The following RBFOX2 variants were observed in gnomAD, a reference collection of about 807,000 sequenced individuals.
The protein encoded by RBFOX2 is RNA binding fox-1 homolog 2, also known as RNA binding protein fox-1 homolog 2.
A neutral mutation model predicts 49.1 loss-of-function variants in RBFOX2; 10 were observed. The observed-to-expected ratio is 0.20, with a 90% CI of 0.13 to 0.35. RBFOX2 has a LOEUF of 0.35. Among genes scored for constraint, RBFOX2 ranks in the 10% least tolerant of loss-of-function variants. The pLI, the probability that RBFOX2 is intolerant of heterozygous loss-of-function variation, is 1.00. For synonymous variants in RBFOX2, 183 were observed against 187.4 expected (o/e 0.98, Z 0.19); for missense variants, 323 against 486.9 (o/e 0.66, Z 3.17).
intron 1 of RBFOX2, among the ~76,000 whole-genome samples, chr22:35,850,845 T>C (rs531920490): frequency 6.6e-6 from 1 of 152,336 alleles, no homozygotes; most frequent in African/African-American, 2.4e-5. Context: ...TGAAAATTAA[T>C]GTTTATTAAA....
upstream of RBFOX2, chr22:35,938,939 G>A (rs1490982618): frequency 1.3e-6 from 2 of 1,538,946 alleles, no homozygotes; most frequent in South Asian, 2.2e-5. Flanking sequence ...TGAGATGAAA[G>A]AAAATGTTAG....
intron 1 of RBFOX2, among the ~76,000 whole-genome samples, chr22:35,905,137 C>T (rs1037078065): frequency 1.1e-4 from 17 of 152,052 alleles, no homozygotes; most frequent in Non-Finnish European, 1.8e-4. Flanking sequence ...ATATTTCTGT[C>T]CTGGTTATCT....
rs992879439 is a variant in RBFOX2 at position 35,847,365 on chromosome 22, T to C, written c.-33-37361A>G. 8.5e-5 allele frequency among the ~76,000 whole-genome samples: 13 copies of C among 152,298 alleles called. No homozygotes were observed. In the East Asian group the frequency reaches 2.5e-3, roughly 29 times the overall value. ...ATTCTAGAAATAACTTAATTAAAAATAGATGTAAAACCTTTCATTAAAAGA... is the reference window on the plus strand; with the variant it reads ...ATTCTAGAAATAACTTAATTAAAAACAGATGTAAAACCTTTCATTAAAAGA... On this transcript the variant is annotated intron_variant, in intron 1 of 13. Coordinates refer to the RBFOX2 transcript ENST00000359369.
intron 11 of RBFOX2, among the ~76,000 whole-genome samples, chr22:35,744,528 TAC>T (rs1159665286): frequency 3.9e-5 from 6 of 152,312 alleles, no homozygotes; most frequent in East Asian, 3.9e-4. Flanking sequence ...AGGGAAACAA[TAC>T]ACAGTTGAAA....
At chr22:35,855,627 T>C (rs751573206) in intron 1 of RBFOX2, among the ~76,000 whole-genome samples, 1 of 148,822 alleles carries the variant, frequency 6.7e-6, no homozygotes, top group Non-Finnish European at 1.5e-5. Context: ...CAGGCTGGTC[T>C]TCAACTCCTG....
chr22:35,907,665 T>G (rs1038996271), intron 1 of RBFOX2, among the ~76,000 whole-genome samples: 4 of 152,140 alleles, frequency 2.6e-5, no homozygotes, highest in Non-Finnish European at 4.4e-5. Flanking sequence ...TTTTTTTTTT[T>G]GAAACAGAGT....
chr22:35,932,515 G>T (rs1007620394), intron 1 of RBFOX2, among the ~76,000 whole-genome samples: 1 of 152,152 alleles, frequency 6.6e-6, no homozygotes, highest in Non-Finnish European at 1.5e-5. Flanking sequence ...GGGACATTGT[G>T]TCTTTCAACA....
At chr22:35,990,686 C>G (rs2057939497) in intron 1 of RBFOX2, among the ~76,000 whole-genome samples, 2 of 152,170 alleles carry the variant, frequency 1.3e-5, no homozygotes, top group African/African-American at 4.8e-5. Flanking sequence ...GTCTTCCACA[C>G]AGACACTGGA....
intron 1 of RBFOX2, among the ~76,000 whole-genome samples, chr22:35,824,883 T>C (rs1416018607): frequency 2.0e-5 from 3 of 152,218 alleles, no homozygotes; most frequent in African/African-American, 7.2e-5. Flanking sequence ...TTCATTATTA[T>C]CATTATCAAT....
chr22:35,992,026 G>A (rs1412615581), intron 1 of RBFOX2, among the ~76,000 whole-genome samples: 1 of 152,260 alleles, frequency 6.6e-6, no homozygotes, highest in East Asian at 1.9e-4. Flanking sequence ...TGAAGGAACT[G>A]AGCCTCAGAG....
In RBFOX2 at chr22:35,759,283, A is replaced by C. The variant is rs2146273590; in HGVS notation, c.887+605T>G. On this transcript the variant is annotated intron_variant, in intron 9 of 11. Coordinates refer to ENST00000405409, the Ensembl canonical transcript of RBFOX2. This position sits in a 1 kb window ranked among gnomAD's most constrained non-coding sequence, Gnocchi z 4.6. ...AGTCGCTGTTTTACCATCATTCAGA[A>C]GCCAACTGCAGTTTAATTCTTCCTA... Among the ~76,000 whole-genome samples, 1 of 152,348 alleles carries C rather than the reference A, an allele frequency of 6.6e-6. No individual in the cohort carries two copies. Among genetic ancestry groups the C allele is most frequent in the East Asian group, 1.9e-4 (1 of 5,188 alleles).
chr22:36,028,216 G>A, intron 1 of RBFOX2, 24 bp downstream of exon 1: 1 of 1,476,790 alleles, frequency 6.8e-7, no homozygotes, highest in Non-Finnish European at 8.9e-7. Flanking sequence ...CGCAATAACT[G>A]GGCGCCCCGT....
rs561549037 is a variant in RBFOX2 at position 35,897,524 on chromosome 22, G to A, written c.-34+41323C>T. The A allele has an allele frequency of 4.1e-5, 34 of 824,596 alleles. 1 individual carries two copies. The South Asian group carries it at 4.5e-4, about 11-fold the overall frequency. The allele number at this position is 824,596 out of a possible 1,614,324, so 51.1% of individuals were successfully genotyped here. On this transcript the variant is annotated intron_variant, in intron 1 of 13. Transcript: ENST00000359369. ...ACTGATAGGCAAAAGGTGGCAAGGG[G>A]TACGGGAGGAAGTACCCCTTTGCTG...
In RBFOX2 at chr22:35,784,339, A is replaced by G. The variant is rs546768340; in HGVS notation, c.253-2593T>C. Among the ~76,000 whole-genome samples the G allele has an allele frequency of 8.5e-5, 13 of 152,330 alleles. No individual in the cohort carries two copies. The South Asian group carries it at 2.5e-3, about 29-fold the overall frequency. ...AGTCACACCACTTCTGGAAAAGTGT[A>G]ACAATAAGGCAAGAACTCAGGTTCC... is the stretch of plus-strand genomic sequence containing the variant. On this transcript the variant is annotated intron_variant, in intron 2 of 11. Coordinates refer to ENST00000405409, the Ensembl canonical transcript of RBFOX2.
chr22:35,968,279 T>A (rs1426767355), intron 1 of RBFOX2, among the ~76,000 whole-genome samples: 1 of 152,232 alleles, frequency 6.6e-6, no homozygotes, highest in South Asian at 2.1e-4. Context: ...CCAATTTAGA[T>A]GAGCAACAAG....
At chr22:35,975,133 T>G (rs2057082787) in intron 1 of RBFOX2, among the ~76,000 whole-genome samples, 1 of 152,152 alleles carries the variant, frequency 6.6e-6, no homozygotes, top group Non-Finnish European at 1.5e-5. Flanking sequence ...CAAGCCCCAG[T>G]TTTTTATTGT....
At chr22:35,998,755 C>G (rs1001737180) in intron 1 of RBFOX2, 1 of 152,402 alleles carries the variant, frequency 6.6e-6, no homozygotes, top group African/African-American at 2.4e-5. Flanking sequence ...AGTGAGAAAG[C>G]AATCAAGGTG....
At chr22:35,897,197 G>T in intron 1 of RBFOX2, 1 of 783,784 alleles carries the variant, frequency 1.3e-6, no homozygotes, top group Non-Finnish European at 2.2e-6. Context: ...GAGACCACCT[G>T]GCTGGGTGCT....
chr22:35,778,907 T>C (rs1383031772), intron 3 of RBFOX2, among the ~76,000 whole-genome samples: 1 of 152,160 alleles, frequency 6.6e-6, no homozygotes, highest in Non-Finnish European at 1.5e-5. Flanking sequence ...AAAGCATATA[T>C]TGCTTTTATT....
Sources: allele counts gnomAD v4.1 joint callset (sites outside exome capture counted in the v4.1 genomes callset), GRCh38; gene constraint gnomAD v4.1.1; non-coding constraint Gnocchi (gnomAD v3.1); transcripts MANE v1.5; gene names NCBI Gene and HGNC (gene_info 2026-07-23, HGNC 2026-07-21).